Variants in TIAM1 observed in about 807,000 individuals in gnomAD.
The protein encoded by TIAM1 is rho guanine nucleotide exchange factor TIAM1.
TIAM1 carries 65 observed loss-of-function variants against 163.5 expected under a neutral mutation model. That is an observed-to-expected ratio of 0.40 (90% confidence interval 0.33 to 0.49). The LOEUF (loss-of-function observed/expected upper bound fraction) is 0.49, where lower values mean the gene tolerates loss of function less well. Ranked by LOEUF, TIAM1 falls within the 20% of genes least tolerant of loss-of-function variation. The pLI is 0.77. For synonymous variants in TIAM1, 833 were observed against 810.1 expected (o/e 1.03, Z -0.48); for missense variants, 1,789 against 2,044.7 (o/e 0.87, Z 2.41).
intron 22 of TIAM1, among the ~76,000 whole-genome samples, chr21:31,139,355 C>A (rs940505140): frequency 6.6e-6 from 1 of 151,964 alleles, no homozygotes; most frequent in African/African-American, 2.4e-5. Context: ...ATGAAATAAA[C>A]CAAAGGATGG....
At chr21:31,211,054 C>A (rs866350833) in intron 10 of TIAM1, among the ~76,000 whole-genome samples, 6 of 151,998 alleles carry the variant, frequency 3.9e-5, no homozygotes, top group Admixed American at 6.5e-5. Context: ...CGACCCGGCG[C>A]CAGAGACAAT....
chr21:31,385,884 A>AATAGAATTAATTAGTTG (rs1569285556), intron 2 of TIAM1, among the ~76,000 whole-genome samples: 10 of 145,534 alleles, frequency 6.9e-5, no homozygotes, highest in Non-Finnish European at 1.5e-5. Context: ...TATATTAGTT[A>AATAGAATTAATTAGTTG]ATATAATTAT....
chr21:31,373,873 C>T (rs1395830063), intron 2 of TIAM1, among the ~76,000 whole-genome samples: 4 of 152,086 alleles, frequency 2.6e-5, no homozygotes, highest in Non-Finnish European at 5.9e-5. Flanking sequence ...CCTGGTCGTT[C>T]CCTCTTCCTC....
At chr21:31,516,093 G>T (rs1248183224) in intron 1 of TIAM1, among the ~76,000 whole-genome samples, 1 of 137,654 alleles carries the variant, frequency 7.3e-6, no homozygotes, top group Non-Finnish European at 1.5e-5. Context: ...GGGAGATACA[G>T]CGAGACTCCA....
intron 15 of TIAM1, 30 bp from the exon 16 acceptor site, chr21:31,165,095 G>T (rs773830970): frequency 1.2e-6 from 2 of 1,608,686 alleles, no homozygotes; most frequent in Non-Finnish European, 1.7e-6. Context: ...GAAAATGTGG[G>T]TCAACATGGA....
chr21:31,425,060 A>C (rs115298024), intron 2 of TIAM1, among the ~76,000 whole-genome samples: 2,424 of 152,038 alleles, frequency 0.016, 52 homozygotes, highest in African/African-American at 0.052. Context: ...CTCAAACAAA[A>C]AAAAAAAAAG....
chr21:31,221,476 C>T (rs1166735438), intron 8 of TIAM1, among the ~76,000 whole-genome samples: 4 of 152,196 alleles, frequency 2.6e-5, no homozygotes, highest in African/African-American at 9.7e-5. Context: ...GCCTGCCCCC[C>T]TGAAAGAAAA....
rs545729779 is a variant in TIAM1, at chr21:31,341,362, G to T, written c.-368-1940C>A. Among the ~76,000 whole-genome samples, 50 of 152,298 alleles carry T rather than the reference G, an allele frequency of 3.3e-4. No individual in the cohort carries two copies. The South Asian group carries it at 9.9e-3, about 30-fold the overall frequency. Reference sequence around the variant, plus strand: ...TCAAAGCCAGGTCTTTCTGACTCCAGCATCCTTTCTGATATACTTAGAAAG... The same window carrying T: ...TCAAAGCCAGGTCTTTCTGACTCCATCATCCTTTCTGATATACTTAGAAAG... On this transcript the variant is annotated intron_variant, in intron 1 of 27. Transcript: ENST00000541036.
intron 1 of TIAM1, among the ~76,000 whole-genome samples, chr21:31,490,040 A>AT (rs1013182956): frequency 1.3e-5 from 2 of 152,144 alleles, no homozygotes; most frequent in Admixed American, 6.5e-5. Context: ...TGCCTTTCCA[A>AT]TTTTTTTCCC....
chr21:31,411,330 G>T (rs1458827170), intron 2 of TIAM1, among the ~76,000 whole-genome samples: 2 of 152,170 alleles, frequency 1.3e-5, no homozygotes, highest in Admixed American at 1.3e-4. Flanking sequence ...CTACAGAGCA[G>T]AAGTTAGCAA....
chr21:31,202,464 G>T (rs952586180), intron 12 of TIAM1, among the ~76,000 whole-genome samples: 3 of 152,074 alleles, frequency 2.0e-5, no homozygotes, highest in Admixed American at 2.0e-4. Context: ...TACTCAGGAG[G>T]CTGGCACAGG....
At chr21:31,426,077 A>G (rs1317367366) in intron 2 of TIAM1, among the ~76,000 whole-genome samples, 1 of 151,970 alleles carries the variant, frequency 6.6e-6, no homozygotes, top group Admixed American at 6.6e-5. Context: ...GGTTACATGG[A>G]TAAGTCCTTT....
intron 5 of TIAM1, among the ~76,000 whole-genome samples, chr21:31,250,828 T>G (rs1007244439): frequency 5.3e-5 from 8 of 152,204 alleles, no homozygotes; most frequent in African/African-American, 1.7e-4. Context: ...AATACGTACA[T>G]GTACTTCACG....
intron 2 of TIAM1, among the ~76,000 whole-genome samples, chr21:31,441,732 G>C (rs1441745962): frequency 6.6e-6 from 1 of 151,920 alleles, no homozygotes; most frequent in Non-Finnish European, 1.5e-5. Context: ...ATTGACACTT[G>C]TTAAAAGAGT....
At chr21:31,458,672 C>T (rs2045206200) in intron 2 of TIAM1, among the ~76,000 whole-genome samples, 1 of 151,606 alleles carries the variant, frequency 6.6e-6, no homozygotes, top group African/African-American at 2.4e-5. Context: ...CTAATGGGAG[C>T]GACTGACAAT....
intron 8 of TIAM1, among the ~76,000 whole-genome samples, chr21:31,218,314 T>C (rs2087332609): frequency 6.6e-6 from 1 of 152,166 alleles, no homozygotes; most frequent in Non-Finnish European, 1.5e-5. Context: ...ATGCCTGTAA[T>C]CCCAGCACTT....
rs574696806 is a variant in TIAM1 at position 31,463,540 on chromosome 21, G to A, written c.-369+443C>T. On this transcript the variant is annotated intron_variant, in intron 2 of 28. Transcript: ENST00000286827. ...CATGTTAAAAAAGAAGTAAGAGGCCGGGTGCAGTGGCTCATGCCTGTAATC... is the reference window on the plus strand; with the variant it reads ...CATGTTAAAAAAGAAGTAAGAGGCCAGGTGCAGTGGCTCATGCCTGTAATC... Among the ~76,000 whole-genome samples the A allele has an allele frequency of 7.9e-5, 12 of 152,220 alleles. No individual in the cohort carries two copies. In the South Asian group the frequency reaches 8.3e-4, roughly 11 times the overall value.
rs186693483 is a variant in TIAM1 at position 31,395,192 on chromosome 21, C to G, written c.-368-55770G>C. On this transcript the variant is annotated intron_variant, in intron 2 of 28. Coordinates refer to the TIAM1 transcript ENST00000286827. This position sits in a 1 kb window ranked among gnomAD's most constrained non-coding sequence, Gnocchi z 7.5. ...GGCAGAGGTTGCAGTAAGCTGAGAT[C>G]GCGCCACCACACTCCAGCCTGGGCA... Among the ~76,000 whole-genome samples the G allele has an allele frequency of 5.3e-5, 8 of 151,666 alleles. No homozygotes were observed. The highest frequency in any genetic ancestry group is 1.0e-4 in the Non-Finnish European group (7 of 67,950).
intron 2 of TIAM1, among the ~76,000 whole-genome samples, chr21:31,370,914 C>G (rs913728360): frequency 6.6e-6 from 1 of 152,210 alleles, no homozygotes; most frequent in African/African-American, 2.4e-5. Flanking sequence ...GCCGCCCTCT[C>G]TCAGACCCAG....
Sources: allele counts gnomAD v4.1 joint callset (sites outside exome capture counted in the v4.1 genomes callset), GRCh38; gene constraint gnomAD v4.1.1; non-coding constraint Gnocchi (gnomAD v3.1); transcripts MANE v1.5; gene names NCBI Gene and HGNC (gene_info 2026-07-23, HGNC 2026-07-21).